Variants in TAFA2 observed in about 807,000 individuals in gnomAD.
TAFA2 encodes chemokine-like protein TAFA-2.
Under a neutral mutation model 18.8 loss-of-function variants are expected in TAFA2, and 7 were observed. The ratio of observed to expected loss-of-function variants is 0.37; its 90% confidence interval spans 0.21 to 0.70. The LOEUF is 0.70. Among genes scored for constraint, TAFA2 ranks in the 30% least tolerant of loss-of-function variants. The probability of loss-of-function intolerance (pLI) is 0.53; values close to 1 mark genes in which losing one functional copy is unlikely to be tolerated. For missense variants in TAFA2, 122 were observed against 158.1 expected, an observed-to-expected ratio of 0.77 and a Z score of 1.23; for synonymous variants, 60 against 54.2, an observed-to-expected ratio of 1.11 and a Z score of -0.47.
At position 62,132,950 on chromosome 12, in the gene TAFA2, G is replaced by T. The variant is rs151046273; in HGVS notation, c.-2+58309C>A. Reference sequence around the variant, plus strand: ...TTATATACAATTTTTCACCAATATTGTGTTGTCAGTACAACATTTTCAATA... The same window carrying T: ...TTATATACAATTTTTCACCAATATTTTGTTGTCAGTACAACATTTTCAATA... On this transcript the variant is annotated intron_variant, in intron 1 of 4. Transcript: ENST00000416284. 3.3e-4 allele frequency among the ~76,000 whole-genome samples: 50 copies of T among 151,968 alleles called. No individual in the cohort carries two copies. The East Asian group carries it at 7.7e-3, about 24-fold the overall frequency.
chr12:61,724,970 C>T (rs1400770151), intron 4 of TAFA2, among the ~76,000 whole-genome samples: 1 of 151,886 alleles, frequency 6.6e-6, no homozygotes, highest in Non-Finnish European at 1.5e-5. Context: ...CACATCCATA[C>T]CAATGTCTAT....
At chr12:62,049,314 A>AT (rs1397559570) in intron 1 of TAFA2, among the ~76,000 whole-genome samples, 1 of 152,140 alleles carries the variant, frequency 6.6e-6, no homozygotes, top group Non-Finnish European at 1.5e-5. Flanking sequence ...AAGACATCCT[A>AT]TTTTCATGTG....
intron 1 of TAFA2, among the ~76,000 whole-genome samples, chr12:61,905,910 A>G (rs1241204217): frequency 1.3e-5 from 2 of 152,204 alleles, no homozygotes; most frequent in Admixed American, 6.5e-5. Flanking sequence ...CTGCTTTTCA[A>G]TACTTTAACA....
At chr12:62,126,530 G>A (rs932032404) in intron 1 of TAFA2, among the ~76,000 whole-genome samples, 4 of 152,188 alleles carry the variant, frequency 2.6e-5, no homozygotes, top group Admixed American at 2.6e-4. Context: ...GTTTGAGCAG[G>A]TTTGCTGGCA....
intron 1 of TAFA2, among the ~76,000 whole-genome samples, chr12:62,039,417 G>A (rs1881698777): frequency 6.6e-6 from 1 of 152,130 alleles, no homozygotes; most frequent in African/African-American, 2.4e-5. Context: ...AGGATAATAA[G>A]AGGCTGCTAT....
At chr12:62,147,342 A>ATGTG (rs2062291906) in intron 1 of TAFA2, among the ~76,000 whole-genome samples, 2 of 76,694 alleles carry the variant, frequency 2.6e-5, no homozygotes, top group Non-Finnish European at 5.8e-5. Context: ...ATATATATAT[A>ATGTG]TATATATATA....
chr12:62,125,363 A>G (rs1459904657), intron 1 of TAFA2, among the ~76,000 whole-genome samples: 1 of 152,122 alleles, frequency 6.6e-6, no homozygotes, highest in Non-Finnish European at 1.5e-5. Flanking sequence ...CACAGATCAC[A>G]TGCCCATGAA....
intron 1 of TAFA2, among the ~76,000 whole-genome samples, chr12:62,175,698 T>C (rs2062508087): frequency 6.6e-6 from 1 of 152,126 alleles, no homozygotes; most frequent in African/African-American, 2.4e-5. Context: ...AAAAGGGGCC[T>C]TTCTCTTAGC....
chr12:61,786,050 TTCAGCAGAGTACTAA>T (rs1466205429), intron 2 of TAFA2, among the ~76,000 whole-genome samples: 4 of 151,482 alleles, frequency 2.6e-5, no homozygotes, highest in Non-Finnish European at 5.9e-5. Flanking sequence ...GGCAGGAGTA[TTCAGCAGAGTACTAA>T]TCAGCATTTG....
intron 1 of TAFA2, among the ~76,000 whole-genome samples, chr12:62,004,958 T>C (rs1456740885): frequency 6.6e-6 from 1 of 152,040 alleles, no homozygotes; most frequent in Admixed American, 6.5e-5. Context: ...ATCTCACTTA[T>C]TTGTGGAATG....
intron 1 of TAFA2, among the ~76,000 whole-genome samples, chr12:61,918,633 C>T (rs977842600): frequency 6.6e-6 from 1 of 152,126 alleles, no homozygotes; most frequent in African/African-American, 2.4e-5. Flanking sequence ...ACAGATGTCT[C>T]TTTGATATAT....
At chr12:62,164,664 A>G (rs562781841) in intron 1 of TAFA2, among the ~76,000 whole-genome samples, 1 of 152,268 alleles carries the variant, frequency 6.6e-6, no homozygotes, top group South Asian at 2.1e-4. Flanking sequence ...TTATTTCTAA[A>G]AGTCCACCCA....
intron 4 of TAFA2, among the ~76,000 whole-genome samples, chr12:61,711,520 CT>C (rs745382876): frequency 6.6e-6 from 1 of 152,032 alleles, no homozygotes; most frequent in Non-Finnish European, 1.5e-5. Context: ...GACATTGTTA[CT>C]TGTCCTTTGA....
intron 1 of TAFA2, among the ~76,000 whole-genome samples, chr12:62,221,118 C>A (rs1284106039): frequency 1.7e-5 from 2 of 117,216 alleles, no homozygotes; most frequent in African/African-American, 3.2e-5. Context: ...AAAACAAAAA[C>A]AAAAACAAAA....
chr12:62,152,419 A>G (rs1167654667), intron 1 of TAFA2, among the ~76,000 whole-genome samples: 1 of 152,180 alleles, frequency 6.6e-6, no homozygotes. Flanking sequence ...GTGATGAATC[A>G]TTCACTCCTT....
intron 1 of TAFA2, among the ~76,000 whole-genome samples, chr12:61,915,806 A>G (rs349882): frequency 0.22 from 33,997 of 152,134 alleles, 6,147 homozygotes; most frequent in African/African-American, 0.5. Flanking sequence ...TGTTCTATCC[A>G]GGTCCTCAAT....
At chr12:62,048,471 T>G (rs1170837337) in intron 1 of TAFA2, among the ~76,000 whole-genome samples, 2 of 152,186 alleles carry the variant, frequency 1.3e-5, no homozygotes, top group African/African-American at 4.8e-5. Flanking sequence ...TAATTCAAGA[T>G]GAGATTTGGG....
intron 1 of TAFA2, among the ~76,000 whole-genome samples, chr12:61,915,406 T>C (rs1876781558): frequency 6.6e-6 from 1 of 152,230 alleles, no homozygotes; most frequent in Non-Finnish European, 1.5e-5. Flanking sequence ...CAAACTCTTT[T>C]TCCCAGTAGA....
At chr12:62,026,211 G>A (rs1881305638) in intron 1 of TAFA2, among the ~76,000 whole-genome samples, 1 of 152,142 alleles carries the variant, frequency 6.6e-6, no homozygotes, top group African/African-American at 2.4e-5. Context: ...GAAATGGAAA[G>A]GTTGCTAAGG....
Sources: gnomAD v4.1 joint callset for allele counts (sites outside exome capture counted in the v4.1 genomes callset) on GRCh38, gnomAD v4.1.1 for gene constraint, MANE v1.5 for transcripts, NCBI Gene and HGNC (gene_info 2026-07-23, HGNC 2026-07-21) for gene names.